The following HCLS1 variants were observed in gnomAD, a reference collection of about 807,000 sequenced individuals.
The protein encoded by HCLS1 is hematopoietic cell-specific Lyn substrate 1, also known as hematopoietic lineage cell-specific protein.
Under a neutral mutation model 68.6 loss-of-function variants are expected in HCLS1, and 44 were observed. The ratio of observed to expected loss-of-function variants is 0.64; its 90% CI spans 0.50 to 0.82. HCLS1 has a LOEUF of 0.82. Among genes scored for constraint, HCLS1 ranks in the 40% least tolerant of loss-of-function variants. The probability of loss-of-function intolerance (pLI) is 0.00; values close to 1 mark genes in which losing one functional copy is unlikely to be tolerated. For missense variants in HCLS1, 602 were observed against 612.1 expected (o/e 0.98, Z 0.17); for synonymous variants, 217 against 225.8 (o/e 0.96, Z 0.35).
intron 3 of HCLS1, among the ~76,000 whole-genome samples, chr3:121,648,829 T>C (rs544883012): frequency 1.3e-4 from 20 of 152,188 alleles, no homozygotes; most frequent in Admixed American, 6.5e-4. Flanking sequence ...ATGCCTCCTC[T>C]AAACTCTCTG....
intron 3 of HCLS1, among the ~76,000 whole-genome samples, chr3:121,652,291 G>T (rs188427961): frequency 6.6e-6 from 1 of 152,100 alleles, no homozygotes; most frequent in Non-Finnish European, 1.5e-5. Flanking sequence ...GATTGCATTG[G>T]TGGTTATATT....
chr3:121,647,167 G>A (rs1228217792), intron 4 of HCLS1, 152 bp downstream of exon 4: 1 of 702,142 alleles, frequency 1.4e-6, no homozygotes, highest in Non-Finnish European at 2.4e-6. Context: ...ATTTTTAGTA[G>A]AGATGGGGTT....
chr3:121,654,188 G>C lies in HCLS1; in HGVS notation c.158+3091C>G, dbSNP rs568584159. 5.9e-5 allele frequency: 9 copies of C among 152,332 alleles called. No homozygotes were observed. The South Asian group carries it at 1.9e-3, about 32-fold the overall frequency. 9.4% of individuals were successfully genotyped at this position (152,332 alleles called of 1,614,324 possible). A position where few individuals can be genotyped will look rare whatever the true frequency, so the allele number is the denominator to read the frequency against. The stretch of plus-strand genomic sequence containing the variant: ...ATATTGATTCAGAATTCAGCGTGGA[G>C]ACCCAATCAGCATAGAGCACTATAG... On this transcript the variant is annotated intron_variant, in intron 3 of 13. Coordinates refer to ENST00000314583, the MANE Select transcript of HCLS1 (RefSeq NM_005335.6).
chr3:121,636,966 C>G (rs1480037593), intron 7 of HCLS1, among the ~76,000 whole-genome samples, 180 bp downstream of exon 7: 3 of 151,986 alleles, frequency 2.0e-5, no homozygotes, highest in African/African-American at 4.8e-5. Flanking sequence ...TTTTCCTCTC[C>G]ATCTCTCCTC....
intron 3 of HCLS1, among the ~76,000 whole-genome samples, chr3:121,654,504 G>C (rs746143911): frequency 1.3e-5 from 2 of 152,176 alleles, no homozygotes; most frequent in Admixed American, 1.3e-4. Context: ...GTGGAGAAAA[G>C]AAGGTGGAGA....
At chr3:121,635,487 A>C (rs1027239203) in intron 9 of HCLS1, among the ~76,000 whole-genome samples, 2 of 151,874 alleles carry the variant, frequency 1.3e-5, no homozygotes, top group Non-Finnish European at 2.9e-5. Flanking sequence ...CATGTTGTCC[A>C]AGCTGTTCTT....
intron 6 of HCLS1, among the ~76,000 whole-genome samples, chr3:121,640,091 A>G (rs554893908): frequency 6.6e-6 from 1 of 152,328 alleles, no homozygotes. Context: ...TCATATCACT[A>G]GAAATCTTAC....
intron 6 of HCLS1, among the ~76,000 whole-genome samples, chr3:121,641,834 C>A (rs995522996): frequency 1.3e-5 from 2 of 152,122 alleles, no homozygotes; most frequent in Non-Finnish European, 2.9e-5. Flanking sequence ...GTAATCCCAG[C>A]ACTTTGGGAA....
Position 121,634,515 on chromosome 3 carries a change from G to A in HCLS1, c.692-97C>T, listed in dbSNP as rs995082579. On this transcript the variant is annotated intron_variant, in intron 9 of 13. Transcript: ENST00000314583. ...AAGAAGGGGAATCAGTTAAATATCCGGGAGGAGGGATTTGTGGGACAGGAT... is the reference window on the plus strand; with the variant it reads ...AAGAAGGGGAATCAGTTAAATATCCAGGAGGAGGGATTTGTGGGACAGGAT... The A allele has an allele frequency of 3.5e-5, 40 of 1,131,812 alleles. No homozygotes were observed. The East Asian group carries it at 6.5e-4, about 18-fold the overall frequency. 70.1% of individuals were successfully genotyped at this position (1,131,812 alleles called of 1,614,324 possible). A position where few individuals can be genotyped will look rare whatever the true frequency, so the allele number is the denominator to read the frequency against.
At position 121,632,546 on chromosome 3, in the gene HCLS1, TG is replaced by T. The variant is rs759748703; in HGVS notation, c.1025del (p.Pro342GlnfsTer113). 4 of 1,612,830 alleles carry T rather than the reference TG, an allele frequency of 2.5e-6. No homozygotes were observed. The African/African-American group carries it at 5.3e-5, about 22-fold the overall frequency. On this transcript the variant is annotated frameshift_variant, in exon 12 of 14. Coordinates refer to ENST00000314583, the MANE Select transcript of HCLS1 (RefSeq NM_005335.6). LOFTEE classifies it high-confidence loss of function. ...CTTCCAGAGTCCTAGGGGGCAGAGC[TG>T]GGGGCTCCTCATTGTCCTGAGAAGA... is the stretch of plus-strand genomic sequence containing the variant. Reference protein sequence around the residue: ...QTLPEDNEEPPALPPRTLEGL... With the variant: ...QTLPEDNEEPXALPPRTLEGL...
chr3:121,657,916 G>GT (rs1937907859), intron 2 of HCLS1: 1 of 250,536 alleles, frequency 4.0e-6, no homozygotes, highest in African/African-American at 2.3e-5. Flanking sequence ...ACCCCATCTG[G>GT]TCTCCTACAG....
intron 3 of HCLS1, chr3:121,655,680 G>GTTTTTTTTTTTTTTTTTTTT (rs4048704): frequency 8.5e-6 from 1 of 118,306 alleles, no homozygotes; most frequent in African/African-American, 3.2e-5. Context: ...GGGTCTTGTG[G>GTTTTTTTTTTTTTTTTTTTT]TTTTTTTTTT....
intron 6 of HCLS1, among the ~76,000 whole-genome samples, chr3:121,642,334 T>C (rs997323363): frequency 6.7e-6 from 1 of 150,164 alleles, no homozygotes; most frequent in Admixed American, 6.6e-5. Context: ...CCAGGCGTGC[T>C]GGCAGTCGCC....
chr3:121,658,099 G>A (rs987447353), intron 2 of HCLS1, 165 bp downstream of exon 2: 14 of 616,116 alleles, frequency 2.3e-5, no homozygotes, highest in Non-Finnish European at 3.5e-5. Context: ...TATCGTGCAT[G>A]CCCCACAGGT....
intron 2 of HCLS1, 108 bp downstream of exon 2, chr3:121,658,156 A>T (rs1462791685): frequency 1.2e-6 from 1 of 803,954 alleles, no homozygotes; most frequent in Admixed American, 1.9e-5. Context: ...GGGCTGTCTC[A>T]GTCCTAGAAG....
chr3:121,631,764 T>C lies in HCLS1; in HGVS notation c.*82A>G. ...TCCAGAACCTCATCTGGTTAGACAT[T>C]TGCAGCAGGAATAGGGAGGGGGTGG... On this transcript the variant is annotated 3_prime_UTR_variant, in exon 14 of 14. Transcript: ENST00000314583. 2 of 1,473,604 alleles carry C rather than the reference T, an allele frequency of 1.4e-6. No homozygotes were observed. Among genetic ancestry groups the C allele is most frequent in the South Asian group, 2.4e-5 (2 of 83,108 alleles). The allele number at this position is 1,473,604 out of a possible 1,614,324, so 91.3% of individuals were successfully genotyped here. A position where few individuals can be genotyped will look rare whatever the true frequency, so the allele number is the denominator to read the frequency against.
chr3:121,642,292 TACTAAAAATACAAAAAA>T (rs1282054330), intron 6 of HCLS1, among the ~76,000 whole-genome samples: 1 of 116,016 alleles, frequency 8.6e-6, no homozygotes. Flanking sequence ...ACCCCGTCTC[TACTAAAAATACAAAAAA>T]AAAAAAAAAA....
At chr3:121,639,904 TA>T (rs1159674267) in intron 6 of HCLS1, among the ~76,000 whole-genome samples, 1 of 143,660 alleles carries the variant, frequency 7.0e-6, no homozygotes, top group Non-Finnish European at 1.6e-5. Flanking sequence ...AAGAAAAACA[TA>T]ATAAAGATAA....
intron 6 of HCLS1, 61 bp from the exon 7 acceptor site, chr3:121,637,317 T>C (rs2049159575): frequency 1.8e-6 from 2 of 1,130,228 alleles, no homozygotes; most frequent in Non-Finnish European, 1.4e-6. Flanking sequence ...AGGGAAGCGC[T>C]GGAGAAGAGA....
Sources: gnomAD v4.1 joint callset for allele counts (sites outside exome capture counted in the v4.1 genomes callset) on GRCh38, gnomAD v4.1.1 for gene constraint, MANE v1.5 for transcripts, NCBI Gene and HGNC (gene_info 2026-07-23, HGNC 2026-07-21) for gene names.